ACTR3C: variants seen among roughly 807,000 people sequenced by gnomAD.
ACTR3C encodes the protein actin-related protein 3C.
ACTR3C carries 18 observed loss-of-function variants against 26.3 expected under a neutral mutation model. The ratio of observed to expected loss-of-function variants is 0.68; its 90% confidence interval spans 0.47 to 1.01. The LOEUF is 1.01. Among genes scored for constraint, ACTR3C ranks in the 50% least tolerant of loss-of-function variants. ACTR3C has a pLI of 0.00. For missense variants in ACTR3C, 184 were observed against 250.7 expected (o/e 0.73, Z 1.80); for synonymous variants, 55 against 94.5 (o/e 0.58, Z 2.42).
the ACTR3C span, among the ~76,000 whole-genome samples, chr7:150,082,772 A>G: frequency 6.6e-6 from 1 of 151,966 alleles, no homozygotes; most frequent in African/African-American, 2.4e-5. Context: ...CTCTCTTTGT[A>G]TTTACGAATT....
chr7:150,314,158 G>C (rs1796588680), intron 1 of ACTR3C, among the ~76,000 whole-genome samples: 1 of 152,158 alleles, frequency 6.6e-6, no homozygotes, highest in African/African-American at 2.4e-5. Flanking sequence ...GTGTCTCCTA[G>C]GGTCAGTGGC....
At chr7:149,971,001 C>G in the ACTR3C span, among the ~76,000 whole-genome samples, 1 of 152,178 alleles carries the variant, frequency 6.6e-6, no homozygotes, top group Non-Finnish European at 1.5e-5. Context: ...AATCACAGAA[C>G]TAAGAGGACC....
At chr7:150,102,393 G>A in the ACTR3C span, among the ~76,000 whole-genome samples, 2 of 151,916 alleles carry the variant, frequency 1.3e-5, no homozygotes, top group Non-Finnish European at 2.9e-5. Context: ...GAATATTCAG[G>A]AACTTATTTT....
At chr7:149,892,222 A>G in the ACTR3C span, 8 of 1,363,732 alleles carry the variant, frequency 5.9e-6, no homozygotes, top group African/African-American at 1.0e-4. Context: ...ATTTTGCATT[A>G]CTCATCCTAC....
At chr7:150,283,791 C>T (rs1221407535) in intron 6 of ACTR3C, among the ~76,000 whole-genome samples, 6 of 150,708 alleles carry the variant, frequency 4.0e-5, no homozygotes, top group Non-Finnish European at 8.8e-5. Context: ...TACAATTCAG[C>T]GACCTGAGTC....
chr7:150,308,729 T>A (rs759742479), intron 1 of ACTR3C, among the ~76,000 whole-genome samples: 2 of 152,066 alleles, frequency 1.3e-5, no homozygotes, highest in African/African-American at 2.4e-5. Flanking sequence ...AATTCTTCTA[T>A]CACCTCCCCT....
the ACTR3C span, among the ~76,000 whole-genome samples, chr7:149,907,513 T>TCTCTCA: frequency 3.3e-5 from 5 of 149,348 alleles, no homozygotes; most frequent in Non-Finnish European, 5.9e-5. Context: ...TCTCTCTCTC[T>TCTCTCA]CAACAAACTC....
chr7:150,165,402 C>G, the ACTR3C span, among the ~76,000 whole-genome samples: 1 of 151,608 alleles, frequency 6.6e-6, no homozygotes, highest in Non-Finnish European at 1.5e-5. Flanking sequence ...TTTAATGAAC[C>G]ATGGCCAGTC....
the ACTR3C span, chr7:150,003,032 A>C: frequency 6.6e-6 from 1 of 152,296 alleles, no homozygotes. Flanking sequence ...TCACGCCTGC[A>C]TTTACTAACT....
chr7:150,126,269 T>A, the ACTR3C span, among the ~76,000 whole-genome samples: 1 of 152,204 alleles, frequency 6.6e-6, no homozygotes, highest in Non-Finnish European at 1.5e-5. Flanking sequence ...TGTATTTGAC[T>A]TTTTCTGTTC....
At chr7:150,293,277 C>G in intron 3 of ACTR3C, 35 bp downstream of exon 3, 1 of 1,540,226 alleles carries the variant, frequency 6.5e-7, no homozygotes, top group Non-Finnish European at 8.7e-7. Context: ...AGGTGTTAAG[C>G]CTACAGAGAC....
At chr7:150,260,671 G>T (rs945904335) in intron 6 of ACTR3C, among the ~76,000 whole-genome samples, 4 of 152,212 alleles carry the variant, frequency 2.6e-5, no homozygotes, top group Non-Finnish European at 5.9e-5. Context: ...AAGCTTCGGG[G>T]TCTGCGTGAT....
At chr7:149,978,032 G>A in the ACTR3C span, among the ~76,000 whole-genome samples, 1 of 150,904 alleles carries the variant, frequency 6.6e-6, no homozygotes, top group Admixed American at 6.6e-5. Context: ...GTAGGGGGTG[G>A]CATGAATACT....
chr7:150,165,705 G>T, the ACTR3C span, among the ~76,000 whole-genome samples: 1 of 152,016 alleles, frequency 6.6e-6, no homozygotes, highest in Non-Finnish European at 1.5e-5. Flanking sequence ...CTACTCTGAG[G>T]ATTTCCCTCT....
the ACTR3C span, among the ~76,000 whole-genome samples, chr7:149,954,979 T>C: frequency 1.3e-5 from 2 of 152,242 alleles, no homozygotes; most frequent in Admixed American, 1.3e-4. Flanking sequence ...AAATGTATTT[T>C]TAACATAAGC....
At chr7:149,991,746 T>G in the ACTR3C span, among the ~76,000 whole-genome samples, 1 of 152,312 alleles carries the variant, frequency 6.6e-6, no homozygotes, top group African/African-American at 2.4e-5. Context: ...TGGTTTTGTT[T>G]TTTAGACAGA....
At chr7:150,041,055 C>A in the ACTR3C span, among the ~76,000 whole-genome samples, 92 of 149,718 alleles carry the variant, frequency 6.1e-4, 3 homozygotes, top group African/African-American at 1.7e-3. Flanking sequence ...GGTTAAAAGT[C>A]CAGCTGCCAT....
the ACTR3C span, among the ~76,000 whole-genome samples, chr7:150,049,355 C>G: frequency 6.6e-6 from 1 of 152,180 alleles, no homozygotes; most frequent in East Asian, 1.9e-4. Context: ...AAGGACCTAT[C>G]ACATCCAGAG....
chr7:149,903,610 C>G, the ACTR3C span, among the ~76,000 whole-genome samples: 1 of 151,790 alleles, frequency 6.6e-6, no homozygotes, highest in African/African-American at 2.4e-5. Context: ...GGCGCAATCA[C>G]AACTCACTCC....
Sources: allele counts gnomAD v4.1 joint callset (sites outside exome capture counted in the v4.1 genomes callset), GRCh38; gene constraint gnomAD v4.1.1; transcripts MANE v1.5; gene names NCBI Gene and HGNC (gene_info 2026-07-23, HGNC 2026-07-21).